CWC22: variants seen among roughly 807,000 people sequenced by gnomAD.
The protein encoded by CWC22 is pre-mRNA-splicing factor CWC22 homolog.
CWC22 carries 53 observed loss-of-function variants against 117.2 expected under a neutral mutation model. That is an observed-to-expected ratio of 0.45 (90% CI 0.36 to 0.57). The LOEUF (loss-of-function observed/expected upper bound fraction) is 0.57. Among genes scored for constraint, CWC22 ranks in the 20% least tolerant of loss-of-function variants. The pLI is 0.00. For missense variants in CWC22, 980 were observed against 1,068.8 expected (o/e 0.92, Z 1.16); for synonymous variants, 360 against 355.6 (o/e 1.01, Z -0.14).
intron 5 of CWC22, among the ~76,000 whole-genome samples, chr2:179,980,152 T>C (rs1687251295): frequency 6.6e-6 from 1 of 152,182 alleles, no homozygotes; most frequent in Non-Finnish European, 1.5e-5. Context: ...AGAAAGTGAA[T>C]ACCTTTCAGT....
At chr2:179,954,678 T>C (rs1194565752) in intron 15 of CWC22, among the ~76,000 whole-genome samples, 1 of 152,034 alleles carries the variant, frequency 6.6e-6, no homozygotes, top group Non-Finnish European at 1.5e-5. Flanking sequence ...GCTTTGAGAT[T>C]TTGAAAAGAC....
At chr2:179,963,335 CTTTTTTTTTTT>C (rs774947016) in intron 13 of CWC22, among the ~76,000 whole-genome samples, 10 of 82,054 alleles carry the variant, frequency 1.2e-4, no homozygotes, top group African/African-American at 4.2e-4. Context: ...ATATTTAATA[CTTTTTTTTTTT>C]TTTTTTTTTT....
chr2:179,955,015 A>T lies in CWC22; in HGVS notation c.1478T>A (p.Ile493Lys). ...CCTCTGTTGGGCACAGCAATCAAGT[A>T]TCATGTTGCAGAGTTCTTTCTATTT... The part of the protein sequence containing the change: ...ESQTKELCNM[I>K]LDCCAQQRTY... The change falls in exon 15 of 20, where the codon ATA (isoleucine) becomes AAA (lysine). Residue 493 changes from isoleucine (I) to lysine (K), a missense_variant. By Grantham distance (102) the Ile-to-Lys change is moderately radical. This residue lies in a region of CWC22 where 559 missense variants were observed against 602.3 expected (regional missense o/e 0.93). Coordinates refer to ENST00000410053, the MANE Select transcript of CWC22 (RefSeq NM_020943.3). The T allele has an allele frequency of 6.3e-7, 1 of 1,599,970 alleles. No homozygotes were observed.
At chr2:179,960,171 A>G (rs1021502600) in intron 13 of CWC22, among the ~76,000 whole-genome samples, 76 of 152,150 alleles carry the variant, frequency 5.0e-4, no homozygotes, top group African/African-American at 1.8e-3. Context: ...TCCTTCAAGC[A>G]TTGGAGGATA....
intron 4 of CWC22, among the ~76,000 whole-genome samples, 192 bp downstream of exon 4, chr2:179,986,503 C>T (rs1000462907): frequency 6.6e-6 from 1 of 152,142 alleles, no homozygotes; most frequent in African/African-American, 2.4e-5. Flanking sequence ...GTAAAGCAGA[C>T]ATACTAGCAC....
chr2:180,002,893 G>A (rs1333607111), intron 1 of CWC22, among the ~76,000 whole-genome samples: 1 of 152,206 alleles, frequency 6.6e-6, no homozygotes, highest in Admixed American at 6.5e-5. Context: ...GACTCATTAA[G>A]CTAAACTATG....
At chr2:180,003,060 A>G (rs1162442227) in intron 1 of CWC22, among the ~76,000 whole-genome samples, 2 of 152,074 alleles carry the variant, frequency 1.3e-5, no homozygotes, top group African/African-American at 2.4e-5. Flanking sequence ...ATTTCTGCCT[A>G]CATAGAACTT....
intron 13 of CWC22, among the ~76,000 whole-genome samples, chr2:179,963,564 G>T (rs1475516783): frequency 6.6e-6 from 1 of 151,098 alleles, no homozygotes; most frequent in Non-Finnish European, 1.5e-5. Flanking sequence ...GGATGGTCTC[G>T]ATCTCCTGAC....
chr2:179,958,372 T>A (rs1032150734), intron 14 of CWC22, among the ~76,000 whole-genome samples: 4 of 148,822 alleles, frequency 2.7e-5, no homozygotes, highest in Non-Finnish European at 6.0e-5. Flanking sequence ...ATTATATAAA[T>A]TTTTCTATAT....
intron 1 of CWC22, among the ~76,000 whole-genome samples, chr2:180,006,317 A>G (rs1185368564): frequency 1.3e-5 from 2 of 152,220 alleles, no homozygotes; most frequent in Admixed American, 6.5e-5. Context: ...AGTTAAACTC[A>G]GTGAAATTAA....
intron 14 of CWC22, among the ~76,000 whole-genome samples, chr2:179,958,391 A>G (rs1316671630): frequency 3.3e-5 from 5 of 151,518 alleles, no homozygotes. Context: ...ATCCAACTAG[A>G]GCAATGTAAT....
intron 16 of CWC22, 104 bp from the exon 17 acceptor site, chr2:179,952,702 T>A: frequency 1.8e-6 from 1 of 564,574 alleles, no homozygotes; most frequent in South Asian, 4.7e-5. Context: ...TTACTATTTA[T>A]TCCCATCTTC....
At chr2:179,968,961 T>C (rs902902243) in intron 11 of CWC22, among the ~76,000 whole-genome samples, 5 of 152,200 alleles carry the variant, frequency 3.3e-5, no homozygotes, top group Admixed American at 6.5e-5. Flanking sequence ...TTCTTTTATA[T>C]TGTTTTAACC....
At chr2:179,995,397 G>A (rs1266192071) in intron 1 of CWC22, among the ~76,000 whole-genome samples, 1 of 152,158 alleles carries the variant, frequency 6.6e-6, no homozygotes, top group East Asian at 1.9e-4. Flanking sequence ...TCATGCAAGA[G>A]TTACCATCTT....
At chr2:179,993,792 A>G (rs1687631652) in intron 1 of CWC22, among the ~76,000 whole-genome samples, 1 of 152,140 alleles carries the variant, frequency 6.6e-6, no homozygotes, top group Admixed American at 6.5e-5. Context: ...TAGTAGTGTG[A>G]TATTATTAAA....
chr2:180,004,158 C>G (rs551945337), intron 1 of CWC22, among the ~76,000 whole-genome samples: 1 of 152,302 alleles, frequency 6.6e-6, no homozygotes, highest in African/African-American at 2.4e-5. Flanking sequence ...CTCGGACTAG[C>G]TCCAGGCACC....
At chr2:179,986,444 A>C (rs1337639658) in intron 4 of CWC22, among the ~76,000 whole-genome samples, 1 of 152,122 alleles carries the variant, frequency 6.6e-6, no homozygotes, top group East Asian at 1.9e-4. Context: ...ATTATGTTTC[A>C]AAACATGAAC....
At chr2:179,982,062 C>T in intron 4 of CWC22, 65 bp from the exon 5 acceptor site, 1 of 842,886 alleles carries the variant, frequency 1.2e-6, no homozygotes. Context: ...CAATTAACTG[C>T]ACACAAATGA....
chr2:179,995,472 A>T (rs1687676254), intron 1 of CWC22, among the ~76,000 whole-genome samples: 1 of 152,220 alleles, frequency 6.6e-6, no homozygotes, highest in Non-Finnish European at 1.5e-5. Context: ...GAGGTTCGAG[A>T]CTAGAGAGAA....
Sources: gnomAD v4.1 joint callset for allele counts (sites outside exome capture counted in the v4.1 genomes callset) on GRCh38, gnomAD v4.1.1 for gene constraint, gnomAD v4.1.1 regional missense constraint, MANE v1.5 for transcripts, NCBI Gene and HGNC (gene_info 2026-07-23, HGNC 2026-07-21) for gene names.